YTHDC2: variants seen among roughly 807,000 people sequenced by gnomAD.
The protein encoded by YTHDC2 is YTH N6-methyladenosine RNA binding protein C2.
In YTHDC2, 45 loss-of-function variants were observed where a neutral mutation model predicts 174.9. The ratio of observed to expected loss-of-function variants is 0.26; its 90% CI spans 0.20 to 0.33. The LOEUF is 0.33. Ranked by LOEUF, YTHDC2 falls within the 10% of genes least tolerant of loss-of-function variation. The pLI, the probability that YTHDC2 is intolerant of heterozygous loss-of-function variation, is 1.00. For synonymous variants in YTHDC2, 657 were observed against 574.5 expected (o/e 1.14, Z -2.05); for missense variants, 1,650 against 1,723.7 (o/e 0.96, Z 0.76).
At chr5:113,540,504 C>T (rs967128942) in intron 8 of YTHDC2, among the ~76,000 whole-genome samples, 1 of 152,098 alleles carries the variant, frequency 6.6e-6, no homozygotes, top group Admixed American at 6.5e-5. Flanking sequence ...GGGGAGGCCT[C>T]AGGAAACTTA....
At chr5:113,551,900 G>A (rs1456205223) in intron 12 of YTHDC2, among the ~76,000 whole-genome samples, 2 of 152,132 alleles carry the variant, frequency 1.3e-5, no homozygotes, top group Admixed American at 6.6e-5. Flanking sequence ...ATAATTGCTA[G>A]TGATAGCAGT....
In YTHDC2 at chr5:113,548,594, C is replaced by T. The variant is rs1393546771; in HGVS notation, c.1549C>T (p.Arg517Cys). 8 of 1,613,260 alleles carry T rather than the reference C, an allele frequency of 5.0e-6. No homozygotes were observed. The highest frequency in any genetic ancestry group is 1.7e-5 in the Admixed American group (1 of 59,836). ...SATALMVAAG[R>C]GFASQVEQLI... ...AACAGCTCTGATGGTTGCTGCAGGA[C>T]GTGGCTTTGCAAGTCAAGTAGAACA... Residue 517 changes from arginine to cysteine, a missense_variant, in exon 11 of 30, where the codon CGT (arginine) becomes TGT (cysteine). Coordinates refer to ENST00000161863, the MANE Select transcript of YTHDC2 (RefSeq NM_022828.5).
chr5:113,585,526 T>C (rs374466331), intron 26 of YTHDC2, among the ~76,000 whole-genome samples: 2 of 152,150 alleles, frequency 1.3e-5, no homozygotes, highest in East Asian at 3.9e-4. Flanking sequence ...GTTTAAACTG[T>C]ATAATTTAAT....
chr5:113,556,273 G>A, intron 17 of YTHDC2, 139 bp downstream of exon 17: 1 of 482,184 alleles, frequency 2.1e-6, no homozygotes, highest in Non-Finnish European at 3.6e-6. Context: ...TTTTTGCAAA[G>A]CAAGCCATTT....
rs569253825 is a variant in YTHDC2 at position 113,569,832 on chromosome 5, T to C, written c.3244+1983T>C. Among the ~76,000 whole-genome samples the C allele has an allele frequency of 2.3e-4, 35 of 152,302 alleles. No individual in the cohort carries two copies. In the South Asian group the frequency reaches 5.6e-3, roughly 24 times the overall value. ...GATTGTCTTGGCTATATGGTCTCTT[T>C]TGGTTCCATAAGAATTTTGAAATCG... On this transcript the variant is annotated intron_variant, in intron 23 of 29. Transcript: ENST00000161863.
intron 20 of YTHDC2, among the ~76,000 whole-genome samples, chr5:113,565,033 C>T (rs888630771): frequency 6.6e-6 from 1 of 151,972 alleles, no homozygotes; most frequent in Non-Finnish European, 1.5e-5. Context: ...AGGCTGGTCT[C>T]GAACTTCTGA....
chr5:113,580,594 C>G (rs1403170483), intron 24 of YTHDC2, among the ~76,000 whole-genome samples: 1 of 152,188 alleles, frequency 6.6e-6, no homozygotes, highest in Non-Finnish European at 1.5e-5. Context: ...TTCATCACTT[C>G]AACCTACTAC....
In YTHDC2 at chr5:113,561,137, G is replaced by A; in HGVS notation, c.2274G>A (p.Gln758=). 6.2e-7 allele frequency: 1 copy of A among 1,613,094 alleles called. No homozygotes were observed. The highest frequency in any genetic ancestry group is 8.5e-7 in the Non-Finnish European group (1 of 1,179,428). The part of the protein sequence containing the change: ...CFRLFSRLRF[Q]NMLEFQTPEL... Reference sequence around the variant, plus strand: ...GTCTGTTCAGTAGACTCCGATTCCAGAATATGTTGGAATTTCAGACTCCGG... The same window carrying A: ...GTCTGTTCAGTAGACTCCGATTCCAAAATATGTTGGAATTTCAGACTCCGG... The change falls in exon 18 of 30, where the codon CAG becomes CAA. Residue 758 remains glutamine (Q), a synonymous_variant. Transcript: ENST00000161863.
In YTHDC2 at chr5:113,565,927, G is replaced by A. The variant is rs368221525; in HGVS notation, c.2750G>A (p.Arg917Gln). ...WQKARSDGWE[R>Q]AFCEKNFLSQ... ...AAAGCACGAAGTGATGGGTGGGAGC[G>A]AGCCTTTTGTGAAAAGAATTTTCTT... The change falls in exon 21 of 30, where the codon CGA becomes CAA. Residue 917 changes from arginine (R) to glutamine (Q), a missense_variant. By Grantham distance (43) the Arg-to-Gln change is conservative. This residue lies in a region of YTHDC2 where 913 missense variants were observed against 940.4 expected (regional missense o/e 0.97). Coordinates refer to ENST00000161863, the MANE Select transcript of YTHDC2 (RefSeq NM_022828.5). 2.4e-5 allele frequency: 39 copies of A among 1,613,250 alleles called. No individual in the cohort carries two copies. Among genetic ancestry groups the A allele is most frequent in the Non-Finnish European group, 2.9e-5 (34 of 1,179,666 alleles).
rs116552190 is a variant in YTHDC2 at position 113,554,463 on chromosome 5, A to G, written c.2133+441A>G. The stretch of plus-strand genomic sequence containing the variant: ...CTGTTAAATCTTTAGTGCCTCACCT[A>G]TAGCAGGTGTTCAAAAGATACTCAG... On this transcript the variant is annotated intron_variant, in intron 16 of 29. Coordinates refer to ENST00000161863, the MANE Select transcript of YTHDC2 (RefSeq NM_022828.5). Among the ~76,000 whole-genome samples the G allele has an allele frequency of 6.7e-3, 1,012 of 152,178 alleles. 7 individuals carry two copies. Among genetic ancestry groups the G allele is most frequent in the African/African-American group, 0.023 (942 of 41,542 alleles).
intron 9 of YTHDC2, among the ~76,000 whole-genome samples, chr5:113,541,591 AT>A (rs1775470406): frequency 1.3e-5 from 2 of 152,182 alleles, no homozygotes; most frequent in Non-Finnish European, 1.5e-5. Context: ...CTTTAAAAAA[AT>A]AATTTACCCT....
chr5:113,546,140 T>C (rs377463463), intron 10 of YTHDC2, among the ~76,000 whole-genome samples: 6 of 152,370 alleles, frequency 3.9e-5, no homozygotes. Context: ...TTTTAAAAAA[T>C]ATTTACTCTG....
intron 23 of YTHDC2, among the ~76,000 whole-genome samples, chr5:113,570,755 A>G (rs1049773206): frequency 5.3e-5 from 8 of 152,028 alleles, no homozygotes; most frequent in Non-Finnish European, 1.2e-4. Context: ...GGTTCAAGCA[A>G]TTCTGCTGCC....
chr5:113,564,177 A>G (rs760605776), intron 20 of YTHDC2, 46 bp downstream of exon 20: 1 of 1,511,542 alleles, frequency 6.6e-7, no homozygotes, highest in Non-Finnish European at 8.9e-7. Flanking sequence ...CTGGGTAAAC[A>G]CGTTTCTGGG....
intron 18 of YTHDC2, 78 bp from the exon 19 acceptor site, chr5:113,563,295 A>G (rs1777122098): frequency 1.6e-6 from 2 of 1,271,658 alleles, no homozygotes; most frequent in African/African-American, 3.0e-5. Flanking sequence ...TGGGAACTGT[A>G]GTTCCCATGA....
At chr5:113,542,815 T>A (rs1003294026) in intron 10 of YTHDC2, among the ~76,000 whole-genome samples, 1 of 152,168 alleles carries the variant, frequency 6.6e-6, no homozygotes, top group Non-Finnish European at 1.5e-5. Flanking sequence ...GTCTTTCCCT[T>A]CCTTGGAAAG....
At chr5:113,534,218 T>C (rs1774891333) in intron 5 of YTHDC2, 87 bp from the exon 6 acceptor site, 4 of 962,178 alleles carry the variant, frequency 4.2e-6, no homozygotes, top group Non-Finnish European at 6.6e-6. Flanking sequence ...TATTAAAATG[T>C]GTACGAGGCC....
intron 8 of YTHDC2, among the ~76,000 whole-genome samples, chr5:113,539,938 A>G (rs36015377): frequency 0.077 from 11,783 of 152,180 alleles, 863 homozygotes; most frequent in African/African-American, 0.19. Context: ...TTCTTGTTCT[A>G]TTACTCAGGC....
rs115977003 is a variant in YTHDC2 at position 113,548,532 on chromosome 5, T to C, written c.1496-9T>C. ...AATTTAAGTTTTATTTATCTTTTCC[T>C]TTTTTTAGTTGATTACAGACATAGT... On this transcript the variant is annotated splice_polypyrimidine_tract_variant and intron_variant, in intron 10 of 29. Coordinates refer to ENST00000161863, the MANE Select transcript of YTHDC2 (RefSeq NM_022828.5). 1,863 of 1,568,994 alleles carry C rather than the reference T, an allele frequency of 1.2e-3. 19 individuals are homozygous for C. In the African/African-American group the frequency reaches 0.023, roughly 19 times the overall value.
Sources: allele counts gnomAD v4.1 joint callset (sites outside exome capture counted in the v4.1 genomes callset), GRCh38; gene constraint gnomAD v4.1.1; regional missense constraint gnomAD v4.1.1; transcripts MANE v1.5; gene names NCBI Gene and HGNC (gene_info 2026-07-23, HGNC 2026-07-21).